RBFOX3: variants seen among roughly 807,000 people sequenced by gnomAD.
RBFOX3 encodes RNA binding fox-1 homolog 3.
In RBFOX3, 17 loss-of-function variants were observed where a neutral mutation model predicts 48.7. The observed-to-expected ratio is 0.35, with a 90% CI of 0.24 to 0.52. The LOEUF (loss-of-function observed/expected upper bound fraction) is 0.52. Among genes scored for constraint, RBFOX3 ranks in the 20% least tolerant of loss-of-function variants. The pLI is 0.94. For synonymous variants in RBFOX3, 212 were observed against 209.5 expected, an observed-to-expected ratio of 1.01 and a Z score of -0.10; for missense variants, 382 against 497.5, an observed-to-expected ratio of 0.77 and a Z score of 2.21.
At chr17:79,310,536 G>C (rs570990912) in intron 2 of RBFOX3, among the ~76,000 whole-genome samples, 2 of 149,904 alleles carry the variant, frequency 1.3e-5, no homozygotes, top group South Asian at 2.2e-4. Flanking sequence ...CCCCAGCCCC[G>C]TCCTGCTTCT....
At chr17:79,496,948 C>T (rs1356186613) in intron 1 of RBFOX3, among the ~76,000 whole-genome samples, 44 of 152,192 alleles carry the variant, frequency 2.9e-4, no homozygotes, top group Admixed American at 2.7e-3. Flanking sequence ...TGACCTTTCA[C>T]GGTCCTTGCC....
intron 2 of RBFOX3, among the ~76,000 whole-genome samples, chr17:79,341,174 G>A (rs7210947): frequency 0.54 from 81,610 of 152,136 alleles, 21,986 homozygotes; most frequent in East Asian, 0.64. Flanking sequence ...ACACAGTCAT[G>A]CACACCTGTA....
intron 4 of RBFOX3, among the ~76,000 whole-genome samples, chr17:79,166,136 C>G (rs1234094703): frequency 8.6e-6 from 1 of 115,624 alleles, no homozygotes; most frequent in Non-Finnish European, 1.8e-5. Context: ...GCTTGGCCCA[C>G]GCCCACCCCT....
At chr17:79,450,103 C>A (rs183729667) in intron 2 of RBFOX3, among the ~76,000 whole-genome samples, 67 of 152,326 alleles carry the variant, frequency 4.4e-4, no homozygotes, top group African/African-American at 1.6e-3. Flanking sequence ...CACACACATG[C>A]ACACGCATGA....
rs552810636 is a variant in RBFOX3, at chr17:79,351,645, T to C, written c.-174-43821A>G. Among the ~76,000 whole-genome samples the C allele has an allele frequency of 2.0e-5, 3 of 152,324 alleles. No individual in the cohort carries two copies. In the South Asian group the frequency reaches 6.2e-4, roughly 32 times the overall value. The stretch of plus-strand genomic sequence containing the variant: ...CATTTGTATGTCTGCTTTGGAGAAA[T>C]GTGTAGTAAGTCCTTTGCCTATTTT... On this transcript the variant is annotated intron_variant, in intron 2 of 14. Transcript: ENST00000693108.
At chr17:79,276,682 C>T (rs558377551) in intron 3 of RBFOX3, among the ~76,000 whole-genome samples, 1 of 152,084 alleles carries the variant, frequency 6.6e-6, no homozygotes, top group East Asian at 1.9e-4. Flanking sequence ...GAGACTCTGC[C>T]TTAAAAAAAC....
intron 4 of RBFOX3, among the ~76,000 whole-genome samples, chr17:79,167,480 C>T (rs1319964502): frequency 6.6e-6 from 1 of 152,082 alleles, no homozygotes; most frequent in Non-Finnish European, 1.5e-5. Context: ...TCTAGTGGGG[C>T]CGCATAATCC....
chr17:79,588,566 C>G (rs1369764151), intron 1 of RBFOX3, among the ~76,000 whole-genome samples: 1 of 152,208 alleles, frequency 6.6e-6, no homozygotes, highest in Non-Finnish European at 1.5e-5. Flanking sequence ...TAGCCCACCC[C>G]ACACCCCCTT....
intron 4 of RBFOX3, chr17:79,136,306 G>A (rs1568200407): frequency 1.3e-5 from 2 of 152,404 alleles, no homozygotes; most frequent in South Asian, 2.1e-4. Flanking sequence ...CAGAGGAAGT[G>A]CCATGGGAGC....
intron 2 of RBFOX3, among the ~76,000 whole-genome samples, chr17:79,438,963 T>A (rs2070200241): frequency 2.0e-5 from 3 of 152,146 alleles, no homozygotes; most frequent in Non-Finnish European, 4.4e-5. Flanking sequence ...AAATCTCCCT[T>A]TTCTCCCTCC....
At chr17:79,156,005 C>T (rs889218719) in intron 4 of RBFOX3, among the ~76,000 whole-genome samples, 2 of 152,206 alleles carry the variant, frequency 1.3e-5, no homozygotes, top group Non-Finnish European at 1.5e-5. Flanking sequence ...CCTCCCTGGC[C>T]CCTCCAGGTG....
At chr17:79,377,470 C>G (rs1416439026) in intron 2 of RBFOX3, among the ~76,000 whole-genome samples, 1 of 152,216 alleles carries the variant, frequency 6.6e-6, no homozygotes, top group African/African-American at 2.4e-5. Flanking sequence ...CACGCACACA[C>G]ACACACCATG....
Position 79,361,579 on chromosome 17 carries a change from G to C in RBFOX3, c.-174-53755C>G, listed in dbSNP as rs948605435. ...CTGATCAGCAGCTCTGCCAGGCACT[G>C]TCCAGGGCTTCCCTAAGGGACATGC... On this transcript the variant is annotated intron_variant, in intron 2 of 14. Transcript: ENST00000693108. This position sits in a 1 kb window ranked among gnomAD's most constrained non-coding sequence, Gnocchi z 4.5. 5.3e-5 allele frequency among the ~76,000 whole-genome samples: 8 copies of C among 152,202 alleles called. No individual in the cohort carries two copies. The highest frequency in any genetic ancestry group is 8.8e-5 in the Non-Finnish European group (6 of 68,028).
At chr17:79,585,252 T>G (rs977127488) in intron 1 of RBFOX3, among the ~76,000 whole-genome samples, 1 of 152,018 alleles carries the variant, frequency 6.6e-6, no homozygotes, top group African/African-American at 2.4e-5. Context: ...AATAAAAAAA[T>G]TAAACAATTA....
At chr17:79,444,217 GCCCAGC>G (rs1430106300) in intron 2 of RBFOX3, among the ~76,000 whole-genome samples, 5 of 152,170 alleles carry the variant, frequency 3.3e-5, no homozygotes, top group African/African-American at 1.2e-4. Context: ...CTTCAGGTTT[GCCCAGC>G]ACCCTCAGGG....
intron 4 of RBFOX3, among the ~76,000 whole-genome samples, chr17:79,166,510 G>A (rs535614288): frequency 1.3e-5 from 2 of 152,292 alleles, no homozygotes; most frequent in Non-Finnish European, 2.9e-5. Flanking sequence ...GAGCTGAGAT[G>A]GGGGAAGGGA....
intron 1 of RBFOX3, among the ~76,000 whole-genome samples, chr17:79,570,778 C>G (rs1288348165): frequency 6.6e-6 from 1 of 152,186 alleles, no homozygotes; most frequent in African/African-American, 2.4e-5. Context: ...CTCAGGGGAT[C>G]GGCCAGGGCT....
chr17:79,191,673 C>T (rs563207365), intron 4 of RBFOX3, among the ~76,000 whole-genome samples: 8 of 152,172 alleles, frequency 5.3e-5, no homozygotes, highest in Non-Finnish European at 7.3e-5. Flanking sequence ...GTCCTTCTAA[C>T]GAAGCCTCAT....
chr17:79,247,624 T>A (rs1323088798), intron 3 of RBFOX3, among the ~76,000 whole-genome samples: 1 of 152,172 alleles, frequency 6.6e-6, no homozygotes, highest in Non-Finnish European at 1.5e-5. Context: ...CATGTTGTTT[T>A]AATTTAAGGC....
Sources: allele counts gnomAD v4.1 joint callset (sites outside exome capture counted in the v4.1 genomes callset), GRCh38; gene constraint gnomAD v4.1.1; non-coding constraint Gnocchi (gnomAD v3.1); transcripts MANE v1.5; gene names NCBI Gene and HGNC (gene_info 2026-07-23, HGNC 2026-07-21).